Variants in PAICS observed in about 807,000 individuals in gnomAD.
PAICS encodes the protein bifunctional phosphoribosylaminoimidazole carboxylase/phosphoribosylaminoimidazole succinocarboxamide synthetase.
In PAICS, 33 loss-of-function variants were observed where a neutral mutation model predicts 53.7. The ratio of observed to expected loss-of-function variants is 0.61; its 90% CI spans 0.47 to 0.82. The LOEUF (loss-of-function observed/expected upper bound fraction) is 0.82. PAICS is among the 40% of genes least tolerant of loss of function. The pLI is 0.00. For synonymous variants in PAICS, 141 were observed against 167.2 expected (o/e 0.84, Z 1.21); for missense variants, 394 against 494.1 (o/e 0.80, Z 1.92).
At chr4:56,450,498 C>T (rs910220457) in intron 5 of PAICS, 121 bp from the exon 6 acceptor site, 1 of 600,578 alleles carries the variant, frequency 1.7e-6, no homozygotes, top group Non-Finnish European at 3.0e-6. Flanking sequence ...TGAAAAGATG[C>T]ATTTTCAGAA....
the PAICS span, chr4:56,410,943 TTTTTC>T: frequency 2.1e-6 from 2 of 975,542 alleles, no homozygotes; most frequent in Non-Finnish European, 2.4e-6. Context: ...AGTACTCTTG[TTTTTC>T]TTTTGTTTTA....
Position 56,459,611 on chromosome 4 carries a change from A to C in PAICS, c.*73A>C. ...TTTAGCTGAAGGAAAATCAAGCAAG[A>C]TGAAAAGGTAATTTTAAATTAGAGA... On this transcript the variant is annotated 3_prime_UTR_variant, in exon 9 of 9. Coordinates refer to ENST00000512576, the MANE Select transcript of PAICS (RefSeq NM_001079524.2). The C allele has an allele frequency of 8.9e-7, 1 of 1,120,762 alleles. No individual in the cohort carries two copies. Among genetic ancestry groups the C allele is most frequent in the Non-Finnish European group, 1.3e-6 (1 of 785,154 alleles). The allele number at this position is 1,120,762 out of a possible 1,614,324, so 69.4% of individuals were successfully genotyped here.
At chr4:56,457,770 C>T (rs1719299543) in intron 8 of PAICS, among the ~76,000 whole-genome samples, 1 of 151,742 alleles carries the variant, frequency 6.6e-6, no homozygotes, top group Non-Finnish European at 1.5e-5. Flanking sequence ...CTGCCTCAGC[C>T]TCCCAAGTAG....
upstream of PAICS, chr4:56,435,606 C>A (rs1407892937): frequency 1.3e-6 from 2 of 1,523,524 alleles, no homozygotes; most frequent in East Asian, 4.6e-5. Flanking sequence ...CGAGGGTGGC[C>A]CCAGCTACTG....
chr4:56,437,292 T>TGTGTTC (rs1167982953), intron 1 of PAICS, among the ~76,000 whole-genome samples: 11 of 151,238 alleles, frequency 7.3e-5, no homozygotes, highest in African/African-American at 2.7e-4. Context: ...TGTGTGTGTG[T>TGTGTTC]GTGTGTTCGT....
upstream of PAICS, among the ~76,000 whole-genome samples, chr4:56,432,997 T>TTATA (rs370961590): frequency 9.7e-3 from 1,443 of 148,494 alleles, 22 homozygotes; most frequent in African/African-American, 0.032. Context: ...CACACGTATT[T>TTATA]TATATATATA....
chr4:56,428,581 A>G, the PAICS span, among the ~76,000 whole-genome samples: 2 of 152,162 alleles, frequency 1.3e-5, no homozygotes, highest in East Asian at 3.8e-4. Context: ...TAAGAAAACC[A>G]ACTCTCAGAA....
intron 1 of PAICS, 59 bp downstream of exon 1, chr4:56,436,387 C>T (rs1319769404): frequency 7.6e-7 from 1 of 1,308,002 alleles, no homozygotes; most frequent in Admixed American, 1.9e-5. Flanking sequence ...CGTGAGCTCG[C>T]GGCCACGTGC....
rs746737970 is a variant in PAICS at position 56,446,829 on chromosome 4, G to C, written c.349G>C (p.Glu117Gln). The change falls in exon 3 of 9, where the codon GAA (glutamate) becomes CAA (glutamine). Residue 117 changes from glutamate (E) to glutamine (Q), a missense_variant. Transcript: ENST00000512576. ...TCTCAAAAGAAATCCTGGTGTCAAG[G>C]AAGGATATAAGTTTTACCCACCTAA... The part of the protein sequence containing the change: ...SFLKRNPGVK[E>Q]GYKFYPPKVE... The C allele has an allele frequency of 2.3e-5, 37 of 1,610,590 alleles. No homozygotes were observed. The highest frequency in any genetic ancestry group is 3.1e-5 in the Non-Finnish European group (36 of 1,178,232).
the PAICS span, among the ~76,000 whole-genome samples, chr4:56,428,257 G>A: frequency 6.6e-6 from 1 of 152,084 alleles, no homozygotes; most frequent in Non-Finnish European, 1.5e-5. Context: ...TAATCCTTTA[G>A]AAGATGCTAA....
intron 1 of PAICS, 58 bp from the exon 2 acceptor site, chr4:56,441,605 A>C: frequency 1.5e-6 from 1 of 683,438 alleles, no homozygotes; most frequent in Admixed American, 3.4e-5. Context: ...TAGGTGATTT[A>C]GTCTTCAGCA....
intron 1 of PAICS, among the ~76,000 whole-genome samples, chr4:56,436,951 C>T (rs1287546169): frequency 6.6e-6 from 1 of 152,130 alleles, no homozygotes; most frequent in African/African-American, 2.4e-5. Context: ...GAGCCGAGAT[C>T]GCGCCATTGC....
At chr4:56,454,984 C>T (rs928137024) in intron 8 of PAICS, among the ~76,000 whole-genome samples, 1 of 151,970 alleles carries the variant, frequency 6.6e-6, no homozygotes, top group Non-Finnish European at 1.5e-5. Flanking sequence ...ATGGTGAAAC[C>T]CCATCTCTAC....
At chr4:56,424,776 C>CA in the PAICS span, among the ~76,000 whole-genome samples, 1 of 152,188 alleles carries the variant, frequency 6.6e-6, no homozygotes, top group African/African-American at 2.4e-5. Flanking sequence ...GTAGGAGAAA[C>CA]AAAATTGACT....
chr4:56,431,784 T>C (rs1195280412), upstream of PAICS, among the ~76,000 whole-genome samples: 16 of 152,202 alleles, frequency 1.1e-4, no homozygotes, highest in Admixed American at 1.0e-3. Context: ...GTTTTAAAGA[T>C]GAAAATGTTT....
At chr4:56,435,997 G>C (rs986130061), upstream of PAICS, 2 of 1,525,408 alleles carry the variant, frequency 1.3e-6, no homozygotes, top group Middle Eastern at 1.8e-4. Context: ...TCCGCAGAGT[G>C]GGGAGGGGCC....
the PAICS span, among the ~76,000 whole-genome samples, chr4:56,426,997 T>C: frequency 3.9e-5 from 6 of 152,218 alleles, no homozygotes; most frequent in African/African-American, 1.2e-4. Flanking sequence ...AATCATACAA[T>C]ATTCGTCCAT....
intron 8 of PAICS, among the ~76,000 whole-genome samples, chr4:56,455,969 CTCTCT>C (rs1719172690): frequency 1.3e-5 from 2 of 152,244 alleles, no homozygotes; most frequent in South Asian, 2.1e-4. Flanking sequence ...CCTCCATATT[CTCTCT>C]TCTCATTTTT....
At position 56,450,674 on chromosome 4, in the gene PAICS, A is replaced by C. The variant is rs756370715; in HGVS notation, c.743A>C (p.Asn248Thr). ...GAAGGGCTCCAAATGGTAAAGAAAA[A>C]CTTTGAGTGGGTTGCAGAGAGAGTA... ...TPEGLQMVKKNFEWVAERVEL... is the reference protein window; with the variant it reads ...TPEGLQMVKKTFEWVAERVEL... The change falls in exon 6 of 9, where the codon AAC becomes ACC. Residue 248 changes from asparagine to threonine, a missense_variant. By Grantham distance (65) the Asn-to-Thr change is moderately conservative. Coordinates refer to ENST00000512576, the MANE Select transcript of PAICS (RefSeq NM_001079524.2). 2 of 1,536,662 alleles carry C rather than the reference A, an allele frequency of 1.3e-6. No homozygotes were observed. Among genetic ancestry groups the C allele is most frequent in the South Asian group, 1.2e-5 (1 of 84,154 alleles).
Sources: allele counts gnomAD v4.1 joint callset (sites outside exome capture counted in the v4.1 genomes callset), GRCh38; gene constraint gnomAD v4.1.1; transcripts MANE v1.5; gene names NCBI Gene and HGNC (gene_info 2026-07-23, HGNC 2026-07-21).